Variants in SLC40A1 observed in about 807,000 individuals in gnomAD.
SLC40A1 encodes the protein solute carrier family 40 member 1.
In SLC40A1, 16 loss-of-function variants were observed where a neutral mutation model predicts 53.5. That is an observed-to-expected ratio of 0.30 (90% CI 0.20 to 0.45). The LOEUF (loss-of-function observed/expected upper bound fraction) is 0.45. Among genes scored for constraint, SLC40A1 ranks in the 20% least tolerant of loss-of-function variants. The pLI, the probability that SLC40A1 is intolerant of heterozygous loss-of-function variation, is 1.00. For missense variants in SLC40A1, 545 were observed against 695.4 expected (o/e 0.78, Z 2.43); for synonymous variants, 247 against 253.2 (o/e 0.98, Z 0.23).
At chr2:189,579,740 A>G in intron 2 of SLC40A1, 73 bp downstream of exon 2, 1 of 1,333,756 alleles carries the variant, frequency 7.5e-7, no homozygotes, top group South Asian at 1.2e-5. Context: ...AAGTTGGCTT[A>G]ATACAACTGG....
intron 7 of SLC40A1, among the ~76,000 whole-genome samples, chr2:189,563,078 C>G (rs542937541): frequency 6.6e-6 from 1 of 151,030 alleles, no homozygotes; most frequent in South Asian, 2.1e-4. Flanking sequence ...AATTCAAGAC[C>G]ACCTTCGGCA....
chr2:189,570,291 T>C (rs1317826699), intron 5 of SLC40A1, among the ~76,000 whole-genome samples: 1 of 152,100 alleles, frequency 6.6e-6, no homozygotes, highest in Non-Finnish European at 1.5e-5. Context: ...AGAATAATCA[T>C]TGTAAAAGTC....
intron 5 of SLC40A1, among the ~76,000 whole-genome samples, chr2:189,568,271 G>A (rs937079377): frequency 3.3e-5 from 5 of 151,826 alleles, no homozygotes; most frequent in East Asian, 1.9e-4. Context: ...GGTGGATCAC[G>A]AGGTCAGGAG....
At chr2:189,574,840 G>T (rs1290710596) in intron 3 of SLC40A1, among the ~76,000 whole-genome samples, 1 of 152,166 alleles carries the variant, frequency 6.6e-6, no homozygotes, top group Non-Finnish European at 1.5e-5. Flanking sequence ...GATACAGTTA[G>T]GAAGCCTGAG....
In SLC40A1 at chr2:189,568,483, C is replaced by T. The variant is rs952345857; in HGVS notation, c.515-2884G>A. On this transcript the variant is annotated intron_variant, in intron 5 of 7. Transcript: ENST00000261024. ...CAGCCTGGGTGACAAAGCGAGACTC[C>T]GTCTCAAAAAAAAAAAAGACTTAAT... Among the ~76,000 whole-genome samples, 15 of 150,148 alleles carry T rather than the reference C, an allele frequency of 1.0e-4. No homozygotes were observed. The South Asian group carries it at 1.1e-3, about 11-fold the overall frequency.
At chr2:189,573,657 G>A (rs189220423) in intron 3 of SLC40A1, among the ~76,000 whole-genome samples, 40 of 152,264 alleles carry the variant, frequency 2.6e-4, no homozygotes, top group African/African-American at 8.9e-4. Flanking sequence ...TTACGCCTGC[G>A]TCTAGAAGGT....
chr2:189,579,949 A>G (rs2031403790), intron 1 of SLC40A1, 69 bp from the exon 2 acceptor site: 2 of 1,408,388 alleles, frequency 1.4e-6, no homozygotes, highest in Non-Finnish European at 2.0e-6. Flanking sequence ...CAGAATGCTT[A>G]TCCATTTGAT....
intron 5 of SLC40A1, among the ~76,000 whole-genome samples, chr2:189,568,438 G>A (rs1390121206): frequency 6.6e-6 from 1 of 152,054 alleles, no homozygotes; most frequent in African/African-American, 2.4e-5. Context: ...GCAGTGAGTT[G>A]AGACTGTGCC....
intron 2 of SLC40A1, among the ~76,000 whole-genome samples, 170 bp downstream of exon 2, chr2:189,579,643 T>C (rs991781792): frequency 2.0e-5 from 3 of 152,228 alleles, no homozygotes; most frequent in Admixed American, 6.5e-5. Flanking sequence ...CTAACACTCA[T>C]GGGGAAAGAT....
At chr2:189,578,105 G>A (rs2031347005) in intron 2 of SLC40A1, 2 of 651,282 alleles carry the variant, frequency 3.1e-6, no homozygotes, top group Non-Finnish European at 3.8e-6. Context: ...GACGGAAAAT[G>A]CATATATATA....
At chr2:189,580,351 G>C in intron 1 of SLC40A1, 67 bp downstream of exon 1, 2 of 1,486,308 alleles carry the variant, frequency 1.3e-6, no homozygotes, top group South Asian at 2.3e-5. Flanking sequence ...CAGAACTCGT[G>C]TAGAGTTGCT....
Position 189,568,962 on chromosome 2 carries a change from C to A in SLC40A1, c.514+2753G>T, listed in dbSNP as rs531442806. 1.4e-4 allele frequency among the ~76,000 whole-genome samples: 21 copies of A among 152,284 alleles called. No homozygotes were observed. In the South Asian group the frequency reaches 4.4e-3, roughly 32 times the overall value. Reference sequence around the variant, plus strand: ...CTGGGAAAAGGAAGTAAGATTCAAACGTGGCACAAGAGAATGTTATCATAA... The same window carrying A: ...CTGGGAAAAGGAAGTAAGATTCAAAAGTGGCACAAGAGAATGTTATCATAA... On this transcript the variant is annotated intron_variant, in intron 5 of 7. Coordinates refer to ENST00000261024, the MANE Select transcript of SLC40A1 (RefSeq NM_014585.6).
In SLC40A1 at chr2:189,580,614, A is replaced by G; in HGVS notation, c.-154T>C. 6.5e-7 allele frequency: 1 copy of G among 1,546,880 alleles called. No individual in the cohort carries two copies. The highest frequency in any genetic ancestry group is 1.2e-5 in the South Asian group (1 of 85,826). ...AAGACTACAACGACGACTTTGGCAA[A>G]GAACAAAAGAAAAGGGGCCCAGGGA... On this transcript the variant is annotated 5_prime_UTR_variant, in exon 1 of 8. Transcript: ENST00000261024.
At position 189,564,079 on chromosome 2, in the gene SLC40A1, A is replaced by T; in HGVS notation, c.907T>A (p.Tyr303Asn). The change falls in exon 7 of 8, where the codon TAC becomes AAC. Residue 303 changes from tyrosine to asparagine, a missense_variant. By Grantham distance (143) the Tyr-to-Asn change is moderately radical. This residue lies in a region of SLC40A1 where 107 missense variants were observed against 91.0 expected (regional missense o/e 1.18). Transcript: ENST00000261024. ...CCAGCCAGAAACACAGGCTGGTTGT[A>T]GTAGGAGACCCATCCATCTCGGAAG... ...RTFRDGWVSY[Y>N]NQPVFLAGMG... The T allele has an allele frequency of 1.9e-6, 3 of 1,611,710 alleles. No individual in the cohort carries two copies. Among genetic ancestry groups the T allele is most frequent in the Non-Finnish European group, 1.7e-6 (2 of 1,178,296 alleles).
intron 3 of SLC40A1, among the ~76,000 whole-genome samples, chr2:189,573,451 A>G (rs1166463805): frequency 2.0e-5 from 3 of 152,258 alleles, no homozygotes; most frequent in Non-Finnish European, 4.4e-5. Context: ...ATAAAGCAGC[A>G]GTGTATTTCT....
chr2:189,574,640 T>A (rs1170052918), intron 3 of SLC40A1, among the ~76,000 whole-genome samples: 1 of 152,212 alleles, frequency 6.6e-6, no homozygotes, highest in Non-Finnish European at 1.5e-5. Context: ...AATATCAAGA[T>A]ATTATTATTT....
Position 189,561,298 on chromosome 2 carries a change from C to T in SLC40A1, c.*580G>A, listed in dbSNP as rs2030731193. On this transcript the variant is annotated 3_prime_UTR_variant, in exon 8 of 8. Coordinates refer to ENST00000261024, the MANE Select transcript of SLC40A1 (RefSeq NM_014585.6). ...ATCTGATAATAAAAATACAAAGGTGCTCTTTAAGCTAAACCATAAACCTTA... is the reference window on the plus strand; with the variant it reads ...ATCTGATAATAAAAATACAAAGGTGTTCTTTAAGCTAAACCATAAACCTTA... The T allele has an allele frequency of 6.5e-6, 1 of 153,108 alleles. No individual in the cohort carries two copies. Among genetic ancestry groups the T allele is most frequent in the African/African-American group, 2.4e-5 (1 of 41,414 alleles). The allele number at this position is 153,108 out of a possible 1,614,324, so 9.5% of individuals were successfully genotyped here.
chr2:189,565,880 A>G lies in SLC40A1; in HGVS notation c.515-281T>C, dbSNP rs1574239169. 5.3e-5 allele frequency among the ~76,000 whole-genome samples: 8 copies of G among 152,308 alleles called. 1 individual carries two copies. The highest frequency in any genetic ancestry group is 5.2e-4 in the Admixed American group (8 of 15,302). ...AGTGACTCTACATTCATTTTTTTCA[A>G]CAAATATATCTTAAATGCCTATTAT... is the stretch of plus-strand genomic sequence containing the variant. On this transcript the variant is annotated intron_variant, in intron 5 of 7. Coordinates refer to ENST00000261024, the MANE Select transcript of SLC40A1 (RefSeq NM_014585.6).
chr2:189,570,090 G>A (rs1487399712), intron 5 of SLC40A1, among the ~76,000 whole-genome samples: 3 of 148,556 alleles, frequency 2.0e-5, no homozygotes, highest in Admixed American at 6.8e-5. Context: ...CTATATATAT[G>A]TATGTGTGTA....
Sources: allele counts gnomAD v4.1 joint callset (sites outside exome capture counted in the v4.1 genomes callset), GRCh38; gene constraint gnomAD v4.1.1; regional missense constraint gnomAD v4.1.1; transcripts MANE v1.5; gene names NCBI Gene and HGNC (gene_info 2026-07-23, HGNC 2026-07-21).